The following SLC9B2 variants were observed in gnomAD, a reference collection of about 807,000 sequenced individuals.
SLC9B2 encodes solute carrier family 9 member B2, also known as sodium/hydrogen exchanger 9B2.
SLC9B2 carries 39 observed loss-of-function variants against 52.2 expected under a neutral mutation model. The observed-to-expected ratio is 0.75, with a 90% confidence interval of 0.58 to 0.98. SLC9B2 has a LOEUF of 0.98. Among genes scored for constraint, SLC9B2 ranks in the 50% least tolerant of loss-of-function variants. SLC9B2 has a pLI of 0.00. For synonymous variants in SLC9B2, 214 were observed against 227.0 expected, an observed-to-expected ratio of 0.94 and a Z score of 0.51; for missense variants, 626 against 637.5, an observed-to-expected ratio of 0.98 and a Z score of 0.19.
chr4:103,030,288 A>G (rs1453127025), intron 10 of SLC9B2, among the ~76,000 whole-genome samples: 1 of 152,186 alleles, frequency 6.6e-6, no homozygotes, highest in Admixed American at 6.6e-5. Flanking sequence ...TTAGAAAGCA[A>G]TTTGATAAAG....
In SLC9B2 at chr4:103,057,792, A is replaced by T; in HGVS notation, c.442+9T>A. The T allele has an allele frequency of 6.2e-7, 1 of 1,611,940 alleles. No homozygotes were observed. The highest frequency in any genetic ancestry group is 8.5e-7 in the Non-Finnish European group (1 of 1,179,374). ...ACTCTGGATAGAACAGGAAACATTTAGCACTTACCAAGAAGAGAAGGCAGT... is the reference window on the plus strand; with the variant it reads ...ACTCTGGATAGAACAGGAAACATTTTGCACTTACCAAGAAGAGAAGGCAGT... On this transcript the variant is annotated intron_variant, in intron 4 of 11. Coordinates refer to ENST00000394785, the MANE Select transcript of SLC9B2 (RefSeq NM_178833.7).
chr4:103,031,726 A>G lies in SLC9B2; in HGVS notation c.1229T>C (p.Ile410Thr). The change falls in exon 10 of 12, where the codon ATT becomes ACT. Residue 410 changes from isoleucine to threonine, a missense_variant. By Grantham distance (89) the Ile-to-Thr change is moderately conservative. Coordinates refer to ENST00000394785, the MANE Select transcript of SLC9B2 (RefSeq NM_178833.7). ...LFGLIGAEVS[I>T]ASLRPETVGL... ...TACAGTTTCTGGTCTGAGAGATGCA[A>G]TAGATACCTCTGCTCCAATTAGTCC... is the stretch of plus-strand genomic sequence containing the variant. 6.2e-7 allele frequency: 1 copy of G among 1,612,762 alleles called. No individual in the cohort carries two copies. The highest frequency in any genetic ancestry group is 8.5e-7 in the Non-Finnish European group (1 of 1,179,184).
chr4:103,039,679 G>C (rs549155588), intron 9 of SLC9B2, among the ~76,000 whole-genome samples: 26 of 139,448 alleles, frequency 1.9e-4, no homozygotes, highest in African/African-American at 7.1e-4. Context: ...ATGGAGTCTC[G>C]GTCTGTCGCC....
intron 6 of SLC9B2, 102 bp downstream of exon 6, chr4:103,048,791 T>G: frequency 7.3e-7 from 1 of 1,376,794 alleles, no homozygotes. Flanking sequence ...TTGCATTTTC[T>G]GATATCTATA....
At chr4:103,020,346 TGG>T, downstream of SLC9B2, 1 of 451,844 alleles carries the variant, frequency 2.2e-6, no homozygotes, top group Non-Finnish European at 4.4e-6. Flanking sequence ...CCAGAAGCTT[TGG>T]CCTTTCAGTC....
At chr4:103,042,242 ATTAT>A (rs1174934897) in intron 9 of SLC9B2, 6 of 152,104 alleles carry the variant, frequency 3.9e-5, no homozygotes, top group Non-Finnish European at 5.9e-5. Flanking sequence ...CATTATTTTA[ATTAT>A]TTAAGTTTAA....
chr4:103,047,226 A>C lies in SLC9B2; in HGVS notation c.714T>G (p.Gly238=). The change falls in exon 7 of 12, where the codon GGT becomes GGG. Residue 238 remains glycine, a splice_region_variant and synonymous_variant. Coordinates refer to ENST00000394785, the MANE Select transcript of SLC9B2 (RefSeq NM_178833.7). ...GLPWQWGFIL[G]FVLGAVSPAV... Reference sequence around the variant, plus strand: ...CTGGAGATACAGCACCTAAAACAAAACTAGGCAGACAGCATTTTAAACATT... The same window carrying C: ...CTGGAGATACAGCACCTAAAACAAACCTAGGCAGACAGCATTTTAAACATT... 2 of 1,608,720 alleles carry C rather than the reference A, an allele frequency of 1.2e-6. No homozygotes were observed. Among genetic ancestry groups the C allele is most frequent in the Non-Finnish European group, 1.7e-6 (2 of 1,176,946 alleles).
At chr4:103,036,805 A>G (rs1296153242) in intron 9 of SLC9B2, among the ~76,000 whole-genome samples, 3 of 152,226 alleles carry the variant, frequency 2.0e-5, no homozygotes, top group Non-Finnish European at 2.9e-5. Context: ...TACCTATTAT[A>G]CTGTCTAAGA....
chr4:103,023,089 GCTGA>G lies in SLC9B2; in HGVS notation c.*3277_*3280del, dbSNP rs1741914912. Reference sequence around the variant, plus strand: ...ATGGTATTTTGTTATAGCAGCCCAAGCTGACTAAGATAGACTAAGTGGACTAAGA... The same window carrying G: ...ATGGTATTTTGTTATAGCAGCCCAAGCTAAGATAGACTAAGTGGACTAAGA... On this transcript the variant is annotated 3_prime_UTR_variant, in exon 12 of 12. Transcript: ENST00000394785. 6.6e-6 allele frequency among the ~76,000 whole-genome samples: 1 copy of G among 152,176 alleles called. No individual in the cohort carries two copies. Among genetic ancestry groups the G allele is most frequent in the South Asian group, 2.1e-4 (1 of 4,828 alleles).
chr4:103,019,786 G>T, downstream of SLC9B2: 1 of 985,610 alleles, frequency 1.0e-6, no homozygotes, highest in Non-Finnish European at 1.2e-6. Context: ...GTCCGCGCCG[G>T]CAGAGGCGAG....
chr4:103,026,259 A>T lies in SLC9B2; in HGVS notation c.*111T>A. The T allele has an allele frequency of 4.0e-6, 4 of 998,872 alleles. No individual in the cohort carries two copies. The highest frequency in any genetic ancestry group is 5.9e-6 in the Non-Finnish European group (4 of 679,900). The allele number at this position is 998,872 out of a possible 1,614,324, so 61.9% of individuals were successfully genotyped here. A position where few individuals can be genotyped will look rare whatever the true frequency, so the allele number is the denominator to read the frequency against. ...AAAAATGCTGTTTAAAGAAACAGCT[A>T]CACTTTTGGTTCTATTACATTTTAA... On this transcript the variant is annotated 3_prime_UTR_variant, in exon 12 of 12. Transcript: ENST00000394785.
At chr4:103,070,411 G>A (rs957650895) in intron 1 of SLC9B2, among the ~76,000 whole-genome samples, 2 of 152,140 alleles carry the variant, frequency 1.3e-5, no homozygotes, top group African/African-American at 2.4e-5. Flanking sequence ...AAGGACTCAT[G>A]CAGAGCCCAT....
intron 4 of SLC9B2, among the ~76,000 whole-genome samples, chr4:103,056,511 G>C (rs576514995): frequency 2.2e-3 from 332 of 152,314 alleles, no homozygotes; most frequent in African/African-American, 7.5e-3. Context: ...GCCTCCCAAA[G>C]TGCTGGGATT....
At chr4:103,069,844 C>T (rs549372765) in intron 1 of SLC9B2, among the ~76,000 whole-genome samples, 2 of 152,240 alleles carry the variant, frequency 1.3e-5, no homozygotes, top group South Asian at 2.1e-4. Flanking sequence ...TTTAAATAGT[C>T]GTGAATTAGA....
At position 103,066,333 on chromosome 4, in the gene SLC9B2, T is replaced by C. The variant is rs573395513; in HGVS notation, c.265A>G (p.Thr89Ala). 3.7e-6 allele frequency: 6 copies of C among 1,612,980 alleles called. No homozygotes were observed. Among genetic ancestry groups the C allele is most frequent in the Non-Finnish European group, 5.1e-6 (6 of 1,179,378 alleles). The change falls in exon 3 of 12, where the codon ACA becomes GCA. Residue 89 changes from threonine to alanine, a missense_variant. Transcript: ENST00000394785. The part of the protein sequence containing the change: ...PPHGLLDRVI[T>A]NVTIIVLLWA... The stretch of plus-strand genomic sequence containing the variant: ...TTTCTGAATTCATCCTTACCATTTG[T>C]TATGACCCTGTCCAGTAAACCATGT...
intron 9 of SLC9B2, among the ~76,000 whole-genome samples, chr4:103,037,904 A>G (rs1468171521): frequency 6.7e-6 from 1 of 150,354 alleles, no homozygotes; most frequent in Non-Finnish European, 1.5e-5. Flanking sequence ...TATGTCACCC[A>G]GGCTAGAGTG....
downstream of SLC9B2, chr4:103,020,267 T>TTTTTC: frequency 2.4e-6 from 1 of 418,310 alleles, no homozygotes; most frequent in Non-Finnish European, 4.6e-6. Context: ...TTTTTTTTTT[T>TTTTTC]CCGCATGAAA....
intron 9 of SLC9B2, among the ~76,000 whole-genome samples, chr4:103,037,978 A>C (rs2110590833): frequency 6.6e-6 from 1 of 151,600 alleles, no homozygotes; most frequent in Admixed American, 6.6e-5. Flanking sequence ...CTCCTGCCTC[A>C]GTTTCCTGAG....
chr4:103,037,568 G>A (rs774712043), intron 9 of SLC9B2, among the ~76,000 whole-genome samples: 1 of 152,208 alleles, frequency 6.6e-6, no homozygotes, highest in East Asian at 1.9e-4. Flanking sequence ...GAGCATATGT[G>A]AGGGCATTGG....
Sources: gnomAD v4.1 joint callset for allele counts (sites outside exome capture counted in the v4.1 genomes callset) on GRCh38, gnomAD v4.1.1 for gene constraint, MANE v1.5 for transcripts, NCBI Gene and HGNC (gene_info 2026-07-23, HGNC 2026-07-21) for gene names.